Variants in CLVS1 observed in about 807,000 individuals in gnomAD.
CLVS1 encodes the protein clavesin-1.
A neutral mutation model predicts 33.1 loss-of-function variants in CLVS1; 10 were observed. The observed-to-expected ratio is 0.30, with a 90% CI of 0.19 to 0.51. CLVS1 has a LOEUF of 0.51. CLVS1 is among the 20% of genes least tolerant of loss of function. The pLI is 0.97. For synonymous variants in CLVS1, 163 were observed against 166.1 expected (o/e 0.98, Z 0.14); for missense variants, 343 against 433.4 (o/e 0.79, Z 1.85).
the CLVS1 span, among the ~76,000 whole-genome samples, chr8:61,045,398 C>A: frequency 9.2e-5 from 14 of 152,150 alleles, no homozygotes; most frequent in African/African-American, 2.4e-4. Flanking sequence ...TCTCTTTGGA[C>A]TGAAGACAAA....
chr8:61,228,686 T>A (rs559926242), intron 2 of CLVS1, among the ~76,000 whole-genome samples: 1 of 152,376 alleles, frequency 6.6e-6, no homozygotes, highest in South Asian at 2.1e-4. Flanking sequence ...CTTAATATAA[T>A]GTCCTCCAGG....
intron 1 of CLVS1, among the ~76,000 whole-genome samples, chr8:61,118,400 C>A (rs1350496929): frequency 2.8e-5 from 4 of 145,102 alleles, no homozygotes; most frequent in Non-Finnish European, 6.0e-5. Context: ...TTAGTTATTT[C>A]TTGCCTTCTG....
At chr8:61,461,278 C>T (rs1307264937) in intron 5 of CLVS1, among the ~76,000 whole-genome samples, 2 of 152,058 alleles carry the variant, frequency 1.3e-5, no homozygotes, top group Admixed American at 6.6e-5. Context: ...GGGTATTGTC[C>T]CCATTAACTT....
intron 3 of CLVS1, among the ~76,000 whole-genome samples, chr8:61,406,536 G>A (rs1814991501): frequency 1.3e-5 from 2 of 152,000 alleles, no homozygotes; most frequent in African/African-American, 4.8e-5. Flanking sequence ...TATAATCATA[G>A]GAATGGAAGG....
chr8:61,159,289 G>A (rs917388628), intron 2 of CLVS1, among the ~76,000 whole-genome samples: 5 of 152,154 alleles, frequency 3.3e-5, no homozygotes, highest in Admixed American at 1.3e-4. Context: ...CTTCTGGAGG[G>A]GCCTTCTTTT....
At chr8:61,406,622 G>C (rs561946752) in intron 3 of CLVS1, among the ~76,000 whole-genome samples, 11 of 151,862 alleles carry the variant, frequency 7.2e-5, no homozygotes, top group East Asian at 3.9e-4. Flanking sequence ...TTTTTGTGGG[G>C]GGGGGGATGG....
At chr8:61,050,166 AT>A in the CLVS1 span, among the ~76,000 whole-genome samples, 6 of 151,780 alleles carry the variant, frequency 4.0e-5, no homozygotes, top group East Asian at 1.2e-3. Flanking sequence ...CATGTCTTTA[AT>A]TTTTTTTACT....
chr8:61,146,098 A>G (rs1158154807), intron 2 of CLVS1, among the ~76,000 whole-genome samples: 3 of 152,096 alleles, frequency 2.0e-5, no homozygotes, highest in Non-Finnish European at 2.9e-5. Flanking sequence ...GGTTGTTTGT[A>G]TCTGGAGGCT....
At chr8:61,100,218 GGACAATGGGTACCAAT>G (rs1473441644) in intron 1 of CLVS1, among the ~76,000 whole-genome samples, 1 of 152,100 alleles carries the variant, frequency 6.6e-6, no homozygotes, top group Non-Finnish European at 1.5e-5. Flanking sequence ...TGCATGATTA[GGACAATGGGTACCAAT>G]GACAATGATC....
At chr8:61,285,069 G>A (rs1809748222), upstream of CLVS1, among the ~76,000 whole-genome samples, 1 of 152,016 alleles carries the variant, frequency 6.6e-6, no homozygotes, top group Non-Finnish European at 1.5e-5. Context: ...TACTTCCAAG[G>A]AAACTATGAG....
At chr8:61,448,779 C>T (rs538866130) in intron 3 of CLVS1, among the ~76,000 whole-genome samples, 1 of 151,502 alleles carries the variant, frequency 6.6e-6, no homozygotes, top group South Asian at 2.1e-4. Flanking sequence ...TTCCTATTTC[C>T]TTTCTAAAAC....
At chr8:61,030,821 C>T in the CLVS1 span, among the ~76,000 whole-genome samples, 1 of 152,134 alleles carries the variant, frequency 6.6e-6, no homozygotes, top group East Asian at 1.9e-4. Flanking sequence ...TCAGCCACCA[C>T]GAGGGAGACA....
At chr8:61,256,526 A>C (rs2129591988) in intron 2 of CLVS1, among the ~76,000 whole-genome samples, 1 of 152,322 alleles carries the variant, frequency 6.6e-6, no homozygotes, top group African/African-American at 2.4e-5. Context: ...AACAAAAAAC[A>C]AAACAAAACA....
chr8:61,208,239 AT>A (rs558843267), intron 2 of CLVS1, among the ~76,000 whole-genome samples: 1 of 152,168 alleles, frequency 6.6e-6, no homozygotes, highest in East Asian at 1.9e-4. Flanking sequence ...AAAATGATAG[AT>A]TTTTTCCAGG....
intron 3 of CLVS1, among the ~76,000 whole-genome samples, chr8:61,452,308 C>T (rs1353016838): frequency 6.6e-6 from 1 of 152,206 alleles, no homozygotes; most frequent in Non-Finnish European, 1.5e-5. Flanking sequence ...TAACCTAGAA[C>T]TATATAACAC....
intron 1 of CLVS1, among the ~76,000 whole-genome samples, chr8:61,122,267 C>T (rs1805885490): frequency 6.6e-6 from 1 of 152,224 alleles, no homozygotes; most frequent in African/African-American, 2.4e-5. Context: ...TCATATGCTT[C>T]TGCAACCATA....
At chr8:61,064,621 A>G (rs1355920416) in intron 1 of CLVS1, among the ~76,000 whole-genome samples, 2 of 148,768 alleles carry the variant, frequency 1.3e-5, no homozygotes, top group Admixed American at 1.3e-4. Context: ...GCTCACTGCA[A>G]CCTCTGCCCT....
At chr8:61,147,111 G>A (rs1031437663) in intron 2 of CLVS1, among the ~76,000 whole-genome samples, 1 of 152,220 alleles carries the variant, frequency 6.6e-6, no homozygotes, top group African/African-American at 2.4e-5. Context: ...TTTATAAGAT[G>A]GAGAGCTTTT....
At chr8:61,305,166 C>G (rs1034421673) in intron 2 of CLVS1, among the ~76,000 whole-genome samples, 5 of 151,978 alleles carry the variant, frequency 3.3e-5, no homozygotes, top group African/African-American at 1.2e-4. Flanking sequence ...TCAAATCAGG[C>G]AAATACCTAG....
Sources: gnomAD v4.1 joint callset for allele counts (sites outside exome capture counted in the v4.1 genomes callset) on GRCh38, gnomAD v4.1.1 for gene constraint, MANE v1.5 for transcripts, NCBI Gene and HGNC (gene_info 2026-07-23, HGNC 2026-07-21) for gene names.